The following ADAMTS13 variants were observed in gnomAD, a reference collection of about 807,000 sequenced individuals.
The protein encoded by ADAMTS13 is A disintegrin and metalloproteinase with thrombospondin motifs 13.
In ADAMTS13, 110 loss-of-function variants were observed where a neutral mutation model predicts 155.1. The ratio of observed to expected loss-of-function variants is 0.71; its 90% CI spans 0.61 to 0.83. The LOEUF (loss-of-function observed/expected upper bound fraction) is 0.83. Ranked by LOEUF, ADAMTS13 falls within the 40% of genes least tolerant of loss-of-function variation. The pLI is 0.00. For missense variants in ADAMTS13, 1,707 were observed against 1,891.7 expected (o/e 0.90, Z 1.81); for synonymous variants, 758 against 756.4 (o/e 1.00, Z -0.03).
chr9:133,430,814 C>G (rs1554787154), intron 8 of ADAMTS13, among the ~76,000 whole-genome samples: 1 of 151,968 alleles, frequency 6.6e-6, no homozygotes, highest in African/African-American at 2.4e-5. Flanking sequence ...GCGCCCGCCA[C>G]CACGCCTGGC....
intron 7 of ADAMTS13, among the ~76,000 whole-genome samples, chr9:133,428,982 G>A (rs1554786137): frequency 8.5e-6 from 1 of 117,182 alleles, no homozygotes. Context: ...CCGCTGGGCC[G>A]CCCGCGCCAC....
chr9:133,425,386 C>G lies in ADAMTS13; in HGVS notation c.331-143C>G. On this transcript the variant is annotated intron_variant, in intron 3 of 28. Coordinates refer to ENST00000355699, the MANE Select transcript of ADAMTS13 (RefSeq NM_139027.6). This position sits in a 1 kb window ranked among gnomAD's most constrained non-coding sequence, Gnocchi z 4.6. ...TGACTGTGCAGCACATTTTAGGAGC[C>G]CCCCGCCCCGCCCGGTTCCCACACA... The G allele has an allele frequency of 1.5e-6, 1 of 676,514 alleles. No homozygotes were observed. The highest frequency in any genetic ancestry group is 2.7e-5 in the East Asian group (1 of 36,740). 41.9% of individuals were successfully genotyped at this position (676,514 alleles called of 1,614,324 possible).
upstream of ADAMTS13, chr9:133,417,780 G>T: frequency 6.2e-7 from 1 of 1,611,136 alleles, no homozygotes. Flanking sequence ...CGTCTTGACA[G>T]GACCCGGCTT....
rs781853881 is a variant in ADAMTS13, at chr9:133,424,343, C to CCAGAGG, written c.215_220dup (p.Gln72_Arg73dup). 181 of 1,613,092 alleles carry CCAGAGG rather than the reference C, an allele frequency of 1.1e-4. No individual in the cohort carries two copies. Among genetic ancestry groups the CCAGAGG allele is most frequent in the South Asian group, 1.8e-4 (16 of 91,054 alleles). On this transcript the variant is annotated inframe_insertion, in exon 3 of 29. Transcript: ENST00000355699. The surrounding 1 kb of genome is among the most constrained non-coding windows in gnomAD (Gnocchi z 4.3). ...CAGGCCGCCCTCCTTCCCCTGGCTTCCAGAGGCAGAGGCAGAGGCAGAGGC... is the reference window on the plus strand; with the variant it reads ...CAGGCCGCCCTCCTTCCCCTGGCTTCCAGAGGCAGAGGCAGAGGCAGAGGCAGAGGC...
chr9:133,414,519 A>G (rs1839439986), exon 1 of ADAMTS13: 1 of 789,436 alleles, frequency 1.3e-6, no homozygotes, highest in Non-Finnish European at 2.2e-6. Context: ...AGGGGAAAAC[A>G]AGTAACAGCG....
upstream of ADAMTS13, chr9:133,422,256 G>A: frequency 1.6e-6 from 1 of 629,876 alleles, no homozygotes; most frequent in South Asian, 1.8e-5. Context: ...CCAGCTTGCA[G>A]CAGGAGGAGC....
In ADAMTS13 at chr9:133,442,606, C is replaced by T. The variant is rs782187761; in HGVS notation, c.2105-8C>T. The T allele has an allele frequency of 1.4e-5, 23 of 1,613,172 alleles. No individual in the cohort carries two copies. The African/African-American group carries it at 2.8e-4, about 20-fold the overall frequency. ...GGAGGCGGCCTAGCCCTCCCTCTTC[C>T]CTCCCAGGGCTGCGCTGGGTAAACT... On this transcript the variant is annotated splice_polypyrimidine_tract_variant and splice_region_variant and intron_variant, in intron 17 of 28. Transcript: ENST00000355699.
rs782394727 is a variant in ADAMTS13 at position 133,458,935 on chromosome 9, C to T, written c.3910-39C>T. 5.1e-6 allele frequency: 8 copies of T among 1,577,998 alleles called. No individual in the cohort carries two copies. In the East Asian group the frequency reaches 1.8e-4, roughly 36 times the overall value. ...AGGCTTCCGTGAGTGCTAATTATTA[C>T]TTGTGGCCGGTCCTTCTGGGCTGCC... On this transcript the variant is annotated intron_variant, in intron 28 of 28. Transcript: ENST00000355699.
chr9:133,428,853 C>T (rs1840482296), intron 7 of ADAMTS13, 82 bp downstream of exon 7: 17 of 1,182,374 alleles, frequency 1.4e-5, no homozygotes, highest in Non-Finnish European at 1.8e-5. Flanking sequence ...CTACGTCCGT[C>T]CCCACTCCGC....
At chr9:133,422,337 G>A (rs1013686070), upstream of ADAMTS13, 21 of 1,117,536 alleles carry the variant, frequency 1.9e-5, no homozygotes, top group East Asian at 2.4e-4. Context: ...CTGCCTAATC[G>A]TCCCGCCCAG....
chr9:133,429,599 A>C, intron 7 of ADAMTS13: 3 of 232,982 alleles, frequency 1.3e-5, no homozygotes, highest in South Asian at 3.0e-5. Flanking sequence ...CATCAGTCCC[A>C]CACCCCTATC....
rs587684961 is a variant in ADAMTS13, at chr9:133,431,573, C to T, written c.988-1015C>T. On this transcript the variant is annotated intron_variant, in intron 8 of 28. Coordinates refer to ENST00000355699, the MANE Select transcript of ADAMTS13 (RefSeq NM_139027.6). ...GAATTCTGACCTCAGGTGATCCGCC[C>T]GCCTTGGCCTCCCAAAGTGCTGGGA... Among the ~76,000 whole-genome samples, 10 of 152,238 alleles carry T rather than the reference C, an allele frequency of 6.6e-5. No individual in the cohort carries two copies. The East Asian group carries it at 1.4e-3, about 21-fold the overall frequency.
chr9:133,451,271 A>G (rs1014519656), intron 23 of ADAMTS13, among the ~76,000 whole-genome samples: 19 of 152,064 alleles, frequency 1.2e-4, no homozygotes, highest in African/African-American at 4.6e-4. Flanking sequence ...TATTTATTTA[A>G]TTTATTTATT....
intron 21 of ADAMTS13, 33 bp from the exon 22 acceptor site, chr9:133,448,566 T>C (rs1554793254): frequency 1.9e-6 from 3 of 1,606,180 alleles, no homozygotes; most frequent in South Asian, 1.1e-5. Context: ...AGCCTGTCCC[T>C]TGGGGCTCTG....
Position 133,425,652 on chromosome 9 carries a change from G to T in ADAMTS13, c.414+40G>T. 1 of 1,598,404 alleles carries T rather than the reference G, an allele frequency of 6.3e-7. No homozygotes were observed. Among genetic ancestry groups the T allele is most frequent in the Non-Finnish European group, 8.5e-7 (1 of 1,170,082 alleles). The stretch of plus-strand genomic sequence containing the variant: ...GGAACTCAGCACACCATACAGAGCG[G>T]GAAGCCCAAGTCATCGCATCTCCAT... On this transcript the variant is annotated intron_variant, in intron 4 of 28. Coordinates refer to ENST00000355699, the MANE Select transcript of ADAMTS13 (RefSeq NM_139027.6). The surrounding 1 kb of genome is among the most constrained non-coding windows in gnomAD (Gnocchi z 4.6).
In ADAMTS13 at chr9:133,437,945, A is replaced by G. The variant is rs782718617; in HGVS notation, c.1584+48A>G. ...GATGGCCCTGGGGCCTACCTGTCCT[A>G]TCGGAAGGCTCCTGGGGGCAGGTTG... On this transcript the variant is annotated intron_variant, in intron 13 of 28. Coordinates refer to ENST00000355699, the MANE Select transcript of ADAMTS13 (RefSeq NM_139027.6). 5 of 1,611,120 alleles carry G rather than the reference A, an allele frequency of 3.1e-6. No individual in the cohort carries two copies. In the South Asian group the frequency reaches 3.3e-5, roughly 11 times the overall value.
At chr9:133,415,671 G>A (rs961853975) in intron 1 of ADAMTS13, 5 of 152,260 alleles carry the variant, frequency 3.3e-5, no homozygotes, top group Admixed American at 3.3e-4. Context: ...CCTGTTCTGT[G>A]ATAGGTAAAG....
intron 8 of ADAMTS13, among the ~76,000 whole-genome samples, chr9:133,431,413 G>A (rs1419217270): frequency 1.4e-5 from 2 of 145,366 alleles, no homozygotes; most frequent in East Asian, 2.1e-4. Context: ...TGCAACCTCC[G>A]CCTCCCAGGT....
chr9:133,448,831 C>T, intron 22 of ADAMTS13, 103 bp downstream of exon 22: 3 of 1,506,144 alleles, frequency 2.0e-6, no homozygotes, highest in Non-Finnish European at 2.7e-6. Flanking sequence ...GCAGGTGCTG[C>T]TGGCTGTGCA....
Sources: allele counts gnomAD v4.1 joint callset (sites outside exome capture counted in the v4.1 genomes callset), GRCh38; gene constraint gnomAD v4.1.1; non-coding constraint Gnocchi (gnomAD v3.1); transcripts MANE v1.5; gene names NCBI Gene and HGNC (gene_info 2026-07-23, HGNC 2026-07-21).